Variants in OTOGL observed in about 807,000 individuals in gnomAD.
OTOGL encodes otogelin-like protein.
OTOGL carries 285 observed loss-of-function variants against 318.5 expected under a neutral mutation model. That is an observed-to-expected ratio of 0.89 (90% CI 0.81 to 0.99). OTOGL has a LOEUF of 0.99. OTOGL is among the 50% of genes least tolerant of loss of function. OTOGL has a pLI of 0.00. For missense variants in OTOGL, 2,899 were observed against 2,845.6 expected (o/e 1.02, Z -0.43); for synonymous variants, 987 against 936.5 (o/e 1.05, Z -0.99).
intron 2 of OTOGL, 64 bp downstream of exon 2, chr12:80,209,574 C>T (rs1164613988): frequency 2.6e-6 from 3 of 1,138,982 alleles, no homozygotes; most frequent in African/African-American, 1.5e-5. Flanking sequence ...ACAATTTATA[C>T]AAATAGTTTT....
rs146076521 is a variant in OTOGL at position 80,242,155 on chromosome 12, G to A, written c.1052+2716G>A. 3.3e-3 allele frequency among the ~76,000 whole-genome samples: 496 copies of A among 152,276 alleles called. 4 individuals are homozygous for A. The highest frequency in any genetic ancestry group is 0.011 in the African/African-American group (468 of 41,562). ...AAGGGGGAACTGGAGATAAAAATCA[G>A]TCTCTGCTACACCCACTTCATCTGA... is the stretch of plus-strand genomic sequence containing the variant. On this transcript the variant is annotated intron_variant, in intron 11 of 58. Transcript: ENST00000547103.
chr12:80,190,004 G>A (rs751141437), intron 1 of OTOGL, among the ~76,000 whole-genome samples: 4 of 152,180 alleles, frequency 2.6e-5, no homozygotes, highest in Admixed American at 2.0e-4. Context: ...AGGATCTCCT[G>A]ACCCTGACCA....
intron 24 of OTOGL, among the ~76,000 whole-genome samples, chr12:80,273,874 G>A (rs1380894616): frequency 1.3e-5 from 2 of 151,950 alleles, no homozygotes; most frequent in Non-Finnish European, 2.9e-5. Flanking sequence ...CATTATATCT[G>A]TTATGGTAAT....
Position 80,305,678 on chromosome 12 carries a change from A to C in OTOGL, c.3316A>C (p.Ser1106Arg), listed in dbSNP as rs752647153. The change falls in exon 29 of 59, where the codon AGT becomes CGT. Residue 1106 changes from serine to arginine, a missense_variant. Transcript: ENST00000547103. ...EVRNARVFGD[S>R]WALGQCESPD... ...GAGAAATGCTCGGGTATTTGGAGAT[A>C]GTTGGGCATTAGGACAGGTAAGTTA... 1 of 1,568,658 alleles carries C rather than the reference A, an allele frequency of 6.4e-7. No homozygotes were observed. The highest frequency in any genetic ancestry group is 8.6e-7 in the Non-Finnish European group (1 of 1,168,438).
intron 19 of OTOGL, among the ~76,000 whole-genome samples, chr12:80,262,521 T>A (rs1882629435): frequency 6.6e-6 from 1 of 152,064 alleles, no homozygotes; most frequent in South Asian, 2.1e-4. Context: ...GCCCTACTCA[T>A]AGCATATATT....
At chr12:80,205,130 T>C (rs777244817) in intron 1 of OTOGL, among the ~76,000 whole-genome samples, 4 of 152,150 alleles carry the variant, frequency 2.6e-5, no homozygotes, top group Non-Finnish European at 4.4e-5. Context: ...ATTGAAGATA[T>C]AAAGGAATTC....
intron 11 of OTOGL, among the ~76,000 whole-genome samples, chr12:80,241,854 A>T (rs758150771): frequency 6.6e-6 from 1 of 151,894 alleles, no homozygotes; most frequent in South Asian, 2.1e-4. Context: ...TTGTTGCTAC[A>T]TTTTTCCTTT....
At chr12:80,163,522 G>C (rs1873653135) in intron 1 of OTOGL, among the ~76,000 whole-genome samples, 1 of 151,860 alleles carries the variant, frequency 6.6e-6, no homozygotes, top group Non-Finnish European at 1.5e-5. Context: ...TGGCATAGTG[G>C]AGGCACTTTG....
intron 1 of OTOGL, among the ~76,000 whole-genome samples, chr12:80,160,389 A>G (rs1052214576): frequency 3.9e-5 from 6 of 152,050 alleles, no homozygotes; most frequent in African/African-American, 1.4e-4. Flanking sequence ...CAAACAAATT[A>G]GCAAGAAAAA....
intron 44 of OTOGL, among the ~76,000 whole-genome samples, chr12:80,347,126 C>G (rs577202737): frequency 6.6e-6 from 1 of 152,164 alleles, no homozygotes; most frequent in East Asian, 1.9e-4. Context: ...ATAGATGCTT[C>G]TCTTGACTTA....
chr12:80,377,026 T>C, intron 57 of OTOGL, 97 bp from the exon 58 acceptor site: 2 of 736,062 alleles, frequency 2.7e-6, no homozygotes, highest in Non-Finnish European at 4.2e-6. Context: ...TTTATATAAA[T>C]ACACCAATTT....
chr12:80,319,980 T>C (rs558060128), intron 33 of OTOGL, among the ~76,000 whole-genome samples: 9 of 152,310 alleles, frequency 5.9e-5, no homozygotes, highest in Admixed American at 4.6e-4. Flanking sequence ...CATCCCTAAA[T>C]TGATCTATTT....
intron 1 of OTOGL, among the ~76,000 whole-genome samples, chr12:80,193,246 A>G (rs10735435): frequency 0.92 from 139,794 of 152,270 alleles, 64,264 homozygotes; most frequent in East Asian, 1. Flanking sequence ...GGCCAGGTAT[A>G]GTGGCTCACA....
chr12:80,152,353 A>G (rs1196975115), intron 1 of OTOGL, among the ~76,000 whole-genome samples: 1 of 152,176 alleles, frequency 6.6e-6, no homozygotes, highest in Non-Finnish European at 1.5e-5. Flanking sequence ...GAGAAAGCAG[A>G]GGCCCAATCA....
At chr12:80,291,895 G>T (rs1381128540) in intron 26 of OTOGL, among the ~76,000 whole-genome samples, 2 of 152,156 alleles carry the variant, frequency 1.3e-5, no homozygotes, top group Non-Finnish European at 2.9e-5. Flanking sequence ...TTGCTCACAA[G>T]AGCATACTTT....
chr12:80,257,205 C>G (rs541293566), intron 17 of OTOGL, among the ~76,000 whole-genome samples: 12 of 152,046 alleles, frequency 7.9e-5, no homozygotes, highest in African/African-American at 2.7e-4. Flanking sequence ...TGATACGAAT[C>G]AAATATGAAA....
intron 1 of OTOGL, among the ~76,000 whole-genome samples, chr12:80,160,495 T>G (rs965600653): frequency 6.6e-6 from 1 of 152,178 alleles, no homozygotes; most frequent in Non-Finnish European, 1.5e-5. Flanking sequence ...TCAACATCAC[T>G]AATTAACATG....
chr12:80,246,156 C>T (rs989099636), intron 11 of OTOGL, among the ~76,000 whole-genome samples: 9 of 151,130 alleles, frequency 6.0e-5, no homozygotes, highest in Non-Finnish European at 1.3e-4. Context: ...CCCTTTATTT[C>T]CTTCTCCTGC....
rs964996052 is a variant in OTOGL, at chr12:80,369,025, T to A, written c.6615+716T>A. Among the ~76,000 whole-genome samples the A allele has an allele frequency of 2.8e-3, 432 of 151,812 alleles. 1 individual carries two copies. The highest frequency in any genetic ancestry group is 2.8e-3 in the Non-Finnish European group (193 of 67,876). On this transcript the variant is annotated intron_variant, in intron 55 of 58. Transcript: ENST00000547103. ...AGTAGTGTCAAGGAGGAAAAAAATA[T>A]ATATATGTATAATACACACATATAT...
Sources: allele counts gnomAD v4.1 joint callset (sites outside exome capture counted in the v4.1 genomes callset), GRCh38; gene constraint gnomAD v4.1.1; transcripts MANE v1.5; gene names NCBI Gene and HGNC (gene_info 2026-07-23, HGNC 2026-07-21).